CSMD1: variants seen among roughly 807,000 people sequenced by gnomAD.
CSMD1 encodes CUB and Sushi multiple domains 1.
A neutral mutation model predicts 417.5 loss-of-function variants in CSMD1; 213 were observed. That is an observed-to-expected ratio of 0.51 (90% CI 0.46 to 0.57). The LOEUF (loss-of-function observed/expected upper bound fraction) is 0.57. Ranked by LOEUF, CSMD1 falls within the 20% of genes least tolerant of loss-of-function variation. The pLI, the probability that CSMD1 is intolerant of heterozygous loss-of-function variation, is 0.00. For missense variants in CSMD1, 6,923 were observed against 4,529.7 expected, an observed-to-expected ratio of 1.53 and a Z score of -15.17; for synonymous variants, 2,862 against 1,736.8, an observed-to-expected ratio of 1.65 and a Z score of -16.11.
intron 5 of CSMD1, among the ~76,000 whole-genome samples, chr8:3,760,543 C>T (rs80122886): frequency 0.025 from 3,852 of 152,234 alleles, 159 homozygotes; most frequent in East Asian, 0.15. Flanking sequence ...CACTTTTCTC[C>T]GATGGGATAT....
chr8:4,790,579 C>A (rs922673153), intron 1 of CSMD1, among the ~76,000 whole-genome samples: 6 of 152,174 alleles, frequency 3.9e-5, no homozygotes, highest in Non-Finnish European at 7.3e-5. Context: ...CGACTTTAAG[C>A]TATACAACCA....
intron 3 of CSMD1, among the ~76,000 whole-genome samples, chr8:4,099,249 G>C (rs936112401): frequency 2.6e-5 from 4 of 151,348 alleles, no homozygotes; most frequent in East Asian, 3.9e-4. Context: ...CCCTCTTCAA[G>C]TGTCTTTCTT....
chr8:3,839,387 TC>T (rs1350827163), intron 5 of CSMD1, among the ~76,000 whole-genome samples: 4 of 66,436 alleles, frequency 6.0e-5, no homozygotes, highest in African/African-American at 9.5e-5. Context: ...ATATACAGTC[TC>T]CATATATATT....
At chr8:4,331,288 G>A (rs1469181605) in intron 3 of CSMD1, among the ~76,000 whole-genome samples, 4 of 152,072 alleles carry the variant, frequency 2.6e-5, no homozygotes, top group African/African-American at 9.7e-5. Flanking sequence ...GGTGCTGAAT[G>A]GCAGAAGCAT....
At chr8:4,749,447 A>C (rs1305256255) in intron 1 of CSMD1, among the ~76,000 whole-genome samples, 1 of 152,218 alleles carries the variant, frequency 6.6e-6, no homozygotes. Flanking sequence ...GGCCATGGAA[A>C]TAAGGTTAAG....
At position 2,992,704 on chromosome 8, in the gene CSMD1, C is replaced by T. The variant is rs556139553; in HGVS notation, c.8377+5307G>A. Reference sequence around the variant, plus strand: ...CCTCCCAAAGTGCTGTGACTATAGGCGTGAGCCACCATGCCCAGCAAACTA... The same window carrying T: ...CCTCCCAAAGTGCTGTGACTATAGGTGTGAGCCACCATGCCCAGCAAACTA... On this transcript the variant is annotated intron_variant, in intron 54 of 69. Transcript: ENST00000635120. Among the ~76,000 whole-genome samples, 6 of 152,028 alleles carry T rather than the reference C, an allele frequency of 3.9e-5. No homozygotes were observed. In the East Asian group the frequency reaches 9.7e-4, roughly 25 times the overall value.
Position 4,170,825 on chromosome 8 carries a change from T to C in CSMD1, c.416-138726A>G, listed in dbSNP as rs1023826876. ...TACCTATGTATTCATCATGATCTTC[T>C]CTCATTTATAACATAAGCATGAATT... On this transcript the variant is annotated intron_variant, in intron 3 of 69. Coordinates refer to ENST00000635120, the MANE Select transcript of CSMD1 (RefSeq NM_033225.6). 2.6e-4 allele frequency among the ~76,000 whole-genome samples: 39 copies of C among 151,894 alleles called. 1 individual carries two copies. The highest frequency in any genetic ancestry group is 1.3e-4 in the Admixed American group (2 of 15,274).
chr8:4,177,676 C>G (rs1394044415), intron 3 of CSMD1, among the ~76,000 whole-genome samples: 1 of 141,646 alleles, frequency 7.1e-6, no homozygotes, highest in South Asian at 2.6e-4. Flanking sequence ...AATTGATAGA[C>G]CGCTAGCAAG....
At chr8:3,053,088 C>A (rs142627068) in intron 49 of CSMD1, among the ~76,000 whole-genome samples, 1 of 152,274 alleles carries the variant, frequency 6.6e-6, no homozygotes, top group African/African-American at 2.4e-5. Context: ...AGCATGAATT[C>A]TATTTCTAGG....
chr8:4,905,763 T>G (rs1805216791), intron 1 of CSMD1, among the ~76,000 whole-genome samples: 1 of 139,202 alleles, frequency 7.2e-6, no homozygotes, highest in South Asian at 2.2e-4. Flanking sequence ...GAGCTTGCAG[T>G]GAGCCGAGAT....
At chr8:4,868,643 G>T (rs1802555062) in intron 1 of CSMD1, among the ~76,000 whole-genome samples, 1 of 152,000 alleles carries the variant, frequency 6.6e-6, no homozygotes, top group Non-Finnish European at 1.5e-5. Context: ...AATTCTGAAG[G>T]TAATTGAAAA....
At chr8:3,987,988 T>A (rs1393977531) in intron 5 of CSMD1, among the ~76,000 whole-genome samples, 1 of 152,202 alleles carries the variant, frequency 6.6e-6, no homozygotes. Context: ...TTAACTCAAT[T>A]TTCTTGAAAA....
At chr8:3,200,166 C>G (rs2116721245) in intron 32 of CSMD1, among the ~76,000 whole-genome samples, 1 of 152,102 alleles carries the variant, frequency 6.6e-6, no homozygotes, top group South Asian at 2.1e-4. Flanking sequence ...AATAATTTTA[C>G]TTAAAAAATT....
chr8:3,101,070 T>G (rs1585349645), intron 46 of CSMD1, among the ~76,000 whole-genome samples: 1 of 111,876 alleles, frequency 8.9e-6, no homozygotes. Context: ...TTTTTTTTTT[T>G]TCTAAAGAAA....
intron 11 of CSMD1, among the ~76,000 whole-genome samples, chr8:3,484,356 C>T (rs1047229165): frequency 1.3e-5 from 2 of 152,168 alleles, no homozygotes; most frequent in African/African-American, 2.4e-5. Context: ...TCAACAAATG[C>T]TACTGAACAG....
chr8:4,232,791 T>C (rs1001425222), intron 3 of CSMD1, among the ~76,000 whole-genome samples: 5 of 152,234 alleles, frequency 3.3e-5, no homozygotes, highest in African/African-American at 4.8e-5. Flanking sequence ...TGGAAATGAA[T>C]TGAATGTCAG....
At chr8:4,030,371 C>A (rs1797280710) in intron 4 of CSMD1, among the ~76,000 whole-genome samples, 2 of 152,140 alleles carry the variant, frequency 1.3e-5, no homozygotes, top group African/African-American at 4.8e-5. Context: ...GTTCCCAAAC[C>A]CAAATTATTG....
intron 1 of CSMD1, among the ~76,000 whole-genome samples, chr8:4,651,989 G>A (rs1402050667): frequency 6.6e-6 from 1 of 152,156 alleles, no homozygotes; most frequent in African/African-American, 2.4e-5. Flanking sequence ...TATAATGAAA[G>A]GAGACTCAAT....
chr8:3,634,496 G>C (rs1796936316), intron 7 of CSMD1, among the ~76,000 whole-genome samples: 1 of 152,160 alleles, frequency 6.6e-6, no homozygotes, highest in South Asian at 2.1e-4. Flanking sequence ...CCGCAAGTTT[G>C]AACCTGCTGT....
Sources: allele counts gnomAD v4.1 joint callset (sites outside exome capture counted in the v4.1 genomes callset), GRCh38; gene constraint gnomAD v4.1.1; transcripts MANE v1.5; gene names NCBI Gene and HGNC (gene_info 2026-07-23, HGNC 2026-07-21).